The following ZFPM2 variants were observed in gnomAD, a reference collection of about 807,000 sequenced individuals.
ZFPM2 encodes zinc finger protein, FOG family member 2.
In ZFPM2, 20 loss-of-function variants were observed where a neutral mutation model predicts 98.6. The ratio of observed to expected loss-of-function variants is 0.20; its 90% CI spans 0.14 to 0.29. The LOEUF is 0.29. ZFPM2 is among the 10% of genes least tolerant of loss of function. The pLI, the probability that ZFPM2 is intolerant of heterozygous loss-of-function variation, is 1.00. For missense variants in ZFPM2, 1,310 were observed against 1,388.6 expected (o/e 0.94, Z 0.90); for synonymous variants, 518 against 502.7 (o/e 1.03, Z -0.41).
At chr8:105,516,566 A>G (rs1178106464) in intron 3 of ZFPM2, among the ~76,000 whole-genome samples, 1 of 152,172 alleles carries the variant, frequency 6.6e-6, no homozygotes, top group African/African-American at 2.4e-5. Flanking sequence ...GAAATTGGAC[A>G]TTATTTAGGA....
chr8:105,515,911 C>CTTTTTTTTTTTT (rs34183654), intron 3 of ZFPM2, among the ~76,000 whole-genome samples: 2 of 89,282 alleles, frequency 2.2e-5, no homozygotes, highest in African/African-American at 4.7e-5. Flanking sequence ...AAAACAACTT[C>CTTTTTTTTTTTT]TTTTTTTTTT....
chr8:105,433,574 T>C (rs2130154493), intron 2 of ZFPM2, among the ~76,000 whole-genome samples: 1 of 152,166 alleles, frequency 6.6e-6, no homozygotes, highest in African/African-American at 2.4e-5. Context: ...GATCACAAGG[T>C]CAGGAGATCG....
chr8:105,752,697 A>G (rs184310835), intron 5 of ZFPM2, among the ~76,000 whole-genome samples: 24 of 152,294 alleles, frequency 1.6e-4, no homozygotes, highest in African/African-American at 5.3e-4. Flanking sequence ...GGAATTATGC[A>G]TCATTTGTGC....
intron 1 of ZFPM2, among the ~76,000 whole-genome samples, chr8:105,394,942 A>G (rs1019796806): frequency 4.6e-5 from 7 of 152,178 alleles, no homozygotes; most frequent in African/African-American, 1.4e-4. Flanking sequence ...GGAATCGTGT[A>G]TGTGTCAAAC....
chr8:105,382,550 C>T lies in ZFPM2; in HGVS notation c.41-36594C>T, dbSNP rs118023854. ...AAATGTTATTTTACCCTTTACAACA[C>T]AGTGGTATAAGCGTTTGCATATATA... On this transcript the variant is annotated intron_variant, in intron 1 of 7. Coordinates refer to ENST00000407775, the MANE Select transcript of ZFPM2 (RefSeq NM_012082.4). Among the ~76,000 whole-genome samples the T allele has an allele frequency of 3.3e-5, 5 of 152,088 alleles. No homozygotes were observed. In the East Asian group the frequency reaches 7.7e-4, roughly 24 times the overall value.
intron 4 of ZFPM2, among the ~76,000 whole-genome samples, chr8:105,627,894 T>C (rs1349949712): frequency 6.6e-6 from 1 of 152,186 alleles, no homozygotes; most frequent in Non-Finnish European, 1.5e-5. Context: ...AACTGATCAG[T>C]AGCCATAATG....
At chr8:105,406,614 G>T (rs527756922) in intron 1 of ZFPM2, among the ~76,000 whole-genome samples, 1 of 152,076 alleles carries the variant, frequency 6.6e-6, no homozygotes, top group South Asian at 2.1e-4. Context: ...CCCTTCTCAG[G>T]TTTAGAAAAC....
chr8:105,792,543 G>GA (rs890811563), intron 6 of ZFPM2, among the ~76,000 whole-genome samples: 4 of 152,180 alleles, frequency 2.6e-5, no homozygotes, highest in Admixed American at 2.0e-4. Flanking sequence ...GTGTGGTGCT[G>GA]AAAAAAATGT....
chr8:105,743,533 G>T (rs1364811944), intron 5 of ZFPM2, among the ~76,000 whole-genome samples: 1 of 151,992 alleles, frequency 6.6e-6, no homozygotes, highest in Non-Finnish European at 1.5e-5. Flanking sequence ...ACTCCTCTAT[G>T]GATAATATGG....
At chr8:105,411,210 C>T (rs1811571080) in intron 1 of ZFPM2, among the ~76,000 whole-genome samples, 1 of 151,802 alleles carries the variant, frequency 6.6e-6, no homozygotes, top group Admixed American at 6.6e-5. Flanking sequence ...AGGTAATATT[C>T]TTGCTGCTTT....
chr8:105,568,249 C>T (rs1017808861), intron 4 of ZFPM2, among the ~76,000 whole-genome samples: 4 of 152,082 alleles, frequency 2.6e-5, no homozygotes, highest in African/African-American at 9.7e-5. Context: ...TCCAACTACA[C>T]AGTCACAAAG....
At chr8:105,660,481 CAAT>C (rs1011510126) in intron 5 of ZFPM2, among the ~76,000 whole-genome samples, 1 of 152,008 alleles carries the variant, frequency 6.6e-6, no homozygotes, top group African/African-American at 2.4e-5. Flanking sequence ...TAAAGCAAGA[CAAT>C]AATGGTAAAA....
At chr8:105,689,137 T>G (rs1474974572) in intron 5 of ZFPM2, among the ~76,000 whole-genome samples, 1 of 152,112 alleles carries the variant, frequency 6.6e-6, no homozygotes, top group Non-Finnish European at 1.5e-5. Context: ...CTACTCTTCC[T>G]TCCTATCTCA....
intron 4 of ZFPM2, among the ~76,000 whole-genome samples, chr8:105,589,663 T>C (rs2130761267): frequency 6.6e-6 from 1 of 152,326 alleles, no homozygotes; most frequent in South Asian, 2.1e-4. Context: ...TTCTTTTTTC[T>C]CCTACACTTT....
chr8:105,735,946 C>T (rs1350592790), intron 5 of ZFPM2, among the ~76,000 whole-genome samples: 4 of 151,992 alleles, frequency 2.6e-5, no homozygotes, highest in East Asian at 1.9e-4. Context: ...AAATTTAACG[C>T]GGCTATAAAC....
chr8:105,803,332 T>G lies in ZFPM2; in HGVS notation c.3250T>G (p.Leu1084Val). ...TCCCTCGTGGATCTCTGAGAACCCA[T>G]TAGCTGCCAATGAGAATGTCTCACC... ...KSPSWISENP[L>V]AANENVSPGI... is the part of the protein sequence containing the mutation. The change falls in exon 8 of 8, where the codon TTA becomes GTA. Residue 1084 changes from leucine (L) to valine (V), a missense_variant. Transcript: ENST00000407775. 6.2e-7 allele frequency: 1 copy of G among 1,606,840 alleles called. No homozygotes were observed. The highest frequency in any genetic ancestry group is 2.2e-5 in the East Asian group (1 of 44,764).
intron 5 of ZFPM2, among the ~76,000 whole-genome samples, chr8:105,778,486 ATGCGTGTGTGTGTGTGTGTG>A (rs796329475): frequency 9.9e-4 from 146 of 147,708 alleles, no homozygotes; most frequent in African/African-American, 3.8e-3. Context: ...GTCTGAGTGC[ATGCGTGTGTGTGTGTGTGTG>A]TGCGTGTGTG....
chr8:105,334,318 T>C (rs938766142), intron 1 of ZFPM2, among the ~76,000 whole-genome samples: 1 of 151,552 alleles, frequency 6.6e-6, no homozygotes, highest in Non-Finnish European at 1.5e-5. Flanking sequence ...TTATGGAATA[T>C]TTTAATATCT....
At chr8:105,402,546 C>T (rs189920588) in intron 1 of ZFPM2, among the ~76,000 whole-genome samples, 3 of 152,044 alleles carry the variant, frequency 2.0e-5, no homozygotes, top group African/African-American at 7.2e-5. Context: ...GATCCTTTGG[C>T]TTCTTTTCAG....
Sources: allele counts gnomAD v4.1 joint callset (sites outside exome capture counted in the v4.1 genomes callset), GRCh38; gene constraint gnomAD v4.1.1; transcripts MANE v1.5; gene names NCBI Gene and HGNC (gene_info 2026-07-23, HGNC 2026-07-21).